The following ARHGAP32 variants were observed in gnomAD, a reference collection of about 807,000 sequenced individuals.
The protein encoded by ARHGAP32 is Rho GTPase activating protein 32, also known as rho GTPase-activating protein 32.
In ARHGAP32, 51 loss-of-function variants were observed where a neutral mutation model predicts 186.5. The observed-to-expected ratio is 0.27, with a 90% CI of 0.22 to 0.35. The LOEUF (loss-of-function observed/expected upper bound fraction) is 0.35, where lower values mean the gene tolerates loss of function less well. Ranked by LOEUF, ARHGAP32 falls within the 10% of genes least tolerant of loss-of-function variation. The pLI is 1.00. For synonymous variants in ARHGAP32, 950 were observed against 964.3 expected (o/e 0.99, Z 0.27); for missense variants, 2,186 against 2,623.5 (o/e 0.83, Z 3.64).
At chr11:129,113,132 T>G (rs886336918) in intron 5 of ARHGAP32, among the ~76,000 whole-genome samples, 5 of 152,188 alleles carry the variant, frequency 3.3e-5, no homozygotes, top group Non-Finnish European at 2.9e-5. Context: ...GCATTTTGTA[T>G]GAGTCTCGTG....
At position 129,110,709 on chromosome 11, in the gene ARHGAP32, C is replaced by T. The variant is rs573386528; in HGVS notation, c.444+12737G>A. 3.9e-5 allele frequency among the ~76,000 whole-genome samples: 6 copies of T among 152,060 alleles called. No individual in the cohort carries two copies. In the South Asian group the frequency reaches 1.2e-3, roughly 32 times the overall value. On this transcript the variant is annotated intron_variant, in intron 5 of 22. Transcript: ENST00000682385. ...TGTTTAGTTATTGTAAATACGATTG[C>T]CTTCTTCTTTTCATTTTCAGCTATT...
chr11:129,173,510 C>A (rs1029947462), intron 1 of ARHGAP32, among the ~76,000 whole-genome samples: 4 of 152,070 alleles, frequency 2.6e-5, no homozygotes, highest in Non-Finnish European at 5.9e-5. Context: ...GAAAGAAACA[C>A]AACCAAAAAA....
intron 12 of ARHGAP32, among the ~76,000 whole-genome samples, chr11:128,995,317 C>T (rs989380434): frequency 5.3e-5 from 8 of 152,102 alleles, no homozygotes; most frequent in Admixed American, 6.5e-5. Flanking sequence ...AGCAATCCCC[C>T]GACCTCAGCC....
intron 5 of ARHGAP32, among the ~76,000 whole-genome samples, chr11:129,112,051 T>G (rs1942232952): frequency 6.6e-6 from 1 of 152,094 alleles, no homozygotes; most frequent in South Asian, 2.1e-4. Flanking sequence ...GAGACCAGCC[T>G]GATCAATAAG....
intron 1 of ARHGAP32, among the ~76,000 whole-genome samples, chr11:129,188,854 C>T (rs1366444507): frequency 6.6e-6 from 1 of 152,284 alleles, no homozygotes; most frequent in Middle Eastern, 3.4e-3. Context: ...CAATTAAGCA[C>T]TATATCATCT....
chr11:129,002,955 C>A (rs2134764882), intron 11 of ARHGAP32, among the ~76,000 whole-genome samples: 1 of 151,776 alleles, frequency 6.6e-6, no homozygotes, highest in East Asian at 1.9e-4. Context: ...ACTACAGGCA[C>A]CCGCCACTAC....
At chr11:129,000,637 TTTAG>T (rs1245273737) in intron 11 of ARHGAP32, among the ~76,000 whole-genome samples, 2 of 152,164 alleles carry the variant, frequency 1.3e-5, no homozygotes, top group African/African-American at 4.8e-5. Flanking sequence ...ATTATAGTAT[TTTAG>T]TTATTTTTTA....
intron 1 of ARHGAP32, among the ~76,000 whole-genome samples, chr11:129,166,600 T>C (rs1034612261): frequency 6.6e-6 from 1 of 151,778 alleles, no homozygotes; most frequent in Non-Finnish European, 1.5e-5. Flanking sequence ...AAATTAACCT[T>C]CAGTGTGCTA....
intron 1 of ARHGAP32, among the ~76,000 whole-genome samples, chr11:129,271,702 A>C (rs547807800): frequency 7.9e-5 from 12 of 152,310 alleles, no homozygotes; most frequent in Admixed American, 2.0e-4. Flanking sequence ...GGAGTGGGAA[A>C]GTAGAGATAA....
chr11:129,200,033 G>T (rs963000902), intron 1 of ARHGAP32, among the ~76,000 whole-genome samples: 3 of 152,174 alleles, frequency 2.0e-5, no homozygotes, highest in Admixed American at 1.3e-4. Context: ...GGACTTACAT[G>T]GGCCCTGTAG....
rs1942979191 is a variant in ARHGAP32, at chr11:129,138,312, A to C, written c.226-13418T>G. 3.4e-5 allele frequency among the ~76,000 whole-genome samples: 4 copies of C among 118,826 alleles called. No homozygotes were observed. In the Admixed American group the frequency reaches 3.4e-4, roughly 10 times the overall value. The allele number at this position is 118,826 out of a possible 152,430, so 78.0% of individuals were successfully genotyped here. A position where few individuals can be genotyped will look rare whatever the true frequency, so the allele number is the denominator to read the frequency against. On this transcript the variant is annotated intron_variant, in intron 2 of 22. Transcript: ENST00000682385. ...CCTTACTGGTAAAAAAAAAAAAAAA[A>C]AAAGAACAATGCCGTCTTAAAAAGT...
At chr11:129,128,226 C>T (rs575918582) in intron 2 of ARHGAP32, among the ~76,000 whole-genome samples, 22 of 152,214 alleles carry the variant, frequency 1.4e-4, no homozygotes, top group Middle Eastern at 3.4e-3. Flanking sequence ...TATATTGGGG[C>T]ATTTCATTAT....
At chr11:129,255,011 G>T (rs1945235228) in intron 1 of ARHGAP32, among the ~76,000 whole-genome samples, 1 of 152,042 alleles carries the variant, frequency 6.6e-6, no homozygotes, top group Non-Finnish European at 1.5e-5. Context: ...GATGCTGTAT[G>T]GTCAAAGTTA....
intron 12 of ARHGAP32, among the ~76,000 whole-genome samples, chr11:128,990,627 T>A (rs550124897): frequency 6.6e-6 from 1 of 152,310 alleles, no homozygotes; most frequent in South Asian, 2.1e-4. Context: ...GTACTTCTTG[T>A]GGATTTAATT....
chr11:129,231,816 G>A (rs1031413287), intron 1 of ARHGAP32, among the ~76,000 whole-genome samples: 2 of 151,786 alleles, frequency 1.3e-5, no homozygotes, highest in Non-Finnish European at 2.9e-5. Context: ...CTTGAGCCCA[G>A]GAGTTCAAGA....
chr11:129,272,304 T>A (rs1945482870), intron 1 of ARHGAP32, among the ~76,000 whole-genome samples: 1 of 152,116 alleles, frequency 6.6e-6, no homozygotes, highest in Non-Finnish European at 1.5e-5. Flanking sequence ...CTCCACAAGA[T>A]CATCTAAAAA....
intron 5 of ARHGAP32, among the ~76,000 whole-genome samples, chr11:129,120,421 A>C (rs949900811): frequency 6.6e-6 from 1 of 152,114 alleles, no homozygotes; most frequent in Non-Finnish European, 1.5e-5. Context: ...ACAAGGCTGG[A>C]ATTCAAAGAA....
chr11:129,083,347 AG>A (rs1173000163), intron 6 of ARHGAP32, among the ~76,000 whole-genome samples: 3 of 152,234 alleles, frequency 2.0e-5, no homozygotes, highest in Non-Finnish European at 4.4e-5. Context: ...TTTATCAATG[AG>A]TAGATAAAGA....
Position 128,974,888 on chromosome 11 carries a change from T to G in ARHGAP32, c.2309A>C (p.His770Pro), listed in dbSNP as rs764185863. ...NRCNSYDNLP[H>P]DNESEEEGGL... ...TCCTTCCTCCTCACTCTCATTGTCA[T>G]GAGGCAGATTATCATAGGAGTTACA... Residue 770 changes from histidine (H) to proline (P), a missense_variant, in exon 21 of 23, where the codon CAT becomes CCT. His to Pro is a moderately conservative substitution (Grantham distance 77). Around this residue, in one of 5 missense-constraint regions of ARHGAP32, gnomAD observed 263 missense variants for 323.5 expected, o/e 0.81. Coordinates refer to ENST00000682385, the MANE Select transcript of ARHGAP32 (RefSeq NM_001378024.1). 6.2e-7 allele frequency: 1 copy of G among 1,614,186 alleles called. No individual in the cohort carries two copies. The highest frequency in any genetic ancestry group is 8.5e-7 in the Non-Finnish European group (1 of 1,180,034).
Sources: gnomAD v4.1 joint callset for allele counts (sites outside exome capture counted in the v4.1 genomes callset) on GRCh38, gnomAD v4.1.1 for gene constraint, gnomAD v4.1.1 regional missense constraint, MANE v1.5 for transcripts, NCBI Gene and HGNC (gene_info 2026-07-23, HGNC 2026-07-21) for gene names.